GLCE: variants seen among roughly 807,000 people sequenced by gnomAD.
GLCE encodes D-glucuronyl C5-epimerase.
GLCE carries 19 observed loss-of-function variants against 47.9 expected under a neutral mutation model. That is an observed-to-expected ratio of 0.40 (90% CI 0.28 to 0.58). GLCE has a LOEUF of 0.58. Ranked by LOEUF, GLCE falls within the 20% of genes least tolerant of loss-of-function variation. The probability of loss-of-function intolerance (pLI) is 0.48; values close to 1 mark genes in which losing one functional copy is unlikely to be tolerated. For missense variants in GLCE, 556 were observed against 743.3 expected (o/e 0.75, Z 2.93); for synonymous variants, 245 against 263.4 (o/e 0.93, Z 0.68).
intron 4 of GLCE, among the ~76,000 whole-genome samples, chr15:69,264,362 ATGTG>A (rs935479535): frequency 6.6e-6 from 1 of 151,894 alleles, no homozygotes; most frequent in South Asian, 2.1e-4. Context: ...TTCTATAGGT[ATGTG>A]TGTGTGTATA....
At chr15:69,258,911 T>C (rs557233862) in intron 3 of GLCE, among the ~76,000 whole-genome samples, 1 of 152,346 alleles carries the variant, frequency 6.6e-6, no homozygotes, top group Non-Finnish European at 1.5e-5. Flanking sequence ...TTTATTCTCA[T>C]TGTAGTGTAT....
chr15:69,266,174 C>G (rs984317363), intron 4 of GLCE, among the ~76,000 whole-genome samples: 3 of 152,184 alleles, frequency 2.0e-5, no homozygotes, highest in African/African-American at 7.2e-5. Context: ...CTTGATACAA[C>G]TTTCAGAATT....
At position 69,200,089 on chromosome 15, in the gene GLCE, T is replaced by C. The variant is rs531500062; in HGVS notation, c.-104-10227T>C. Among the ~76,000 whole-genome samples the C allele has an allele frequency of 5.3e-5, 8 of 152,274 alleles. No homozygotes were observed. In the East Asian group the frequency reaches 1.5e-3, roughly 29 times the overall value. ...TTCACTAGTATTTTGTGAGATAGCCTGTGACAAAATTTTTCCTAATCATGA... is the reference window on the plus strand; with the variant it reads ...TTCACTAGTATTTTGTGAGATAGCCCGTGACAAAATTTTTCCTAATCATGA... On this transcript the variant is annotated intron_variant, in intron 1 of 4. Coordinates refer to ENST00000261858, the MANE Select transcript of GLCE (RefSeq NM_015554.3).
intron 1 of GLCE, among the ~76,000 whole-genome samples, chr15:69,177,084 A>G (rs2051678466): frequency 6.6e-6 from 1 of 151,614 alleles, no homozygotes; most frequent in Admixed American, 6.6e-5. Context: ...CAATGGTGCA[A>G]TCTCGGCTCT....
intron 1 of GLCE, among the ~76,000 whole-genome samples, chr15:69,192,978 C>T (rs995355331): frequency 2.6e-5 from 4 of 152,076 alleles, no homozygotes; most frequent in Non-Finnish European, 4.4e-5. Context: ...GGGGTTCACC[C>T]TCCACATGTA....
At chr15:69,219,249 A>G (rs569893264) in intron 2 of GLCE, among the ~76,000 whole-genome samples, 5 of 152,242 alleles carry the variant, frequency 3.3e-5, no homozygotes, top group Non-Finnish European at 5.9e-5. Context: ...TCCCAAATCA[A>G]TAAAATACAT....
At chr15:69,238,119 A>G (rs1503287) in intron 2 of GLCE, among the ~76,000 whole-genome samples, 104,057 of 152,156 alleles carry the variant, frequency 0.68, 36,945 homozygotes, top group Non-Finnish European at 0.77. Context: ...ATGGCTTTCA[A>G]TGCTAGAGAA....
At chr15:69,232,199 C>G (rs1178671154) in intron 2 of GLCE, among the ~76,000 whole-genome samples, 1 of 152,190 alleles carries the variant, frequency 6.6e-6, no homozygotes, top group Non-Finnish European at 1.5e-5. Flanking sequence ...TGAGAATGGA[C>G]AACTTCCTGT....
intron 1 of GLCE, among the ~76,000 whole-genome samples, chr15:69,179,699 A>G (rs1159401068): frequency 1.3e-5 from 2 of 152,154 alleles, no homozygotes. Context: ...AGAACAACAC[A>G]AGTGGCTGTG....
intron 1 of GLCE, among the ~76,000 whole-genome samples, chr15:69,167,109 G>A (rs1175802638): frequency 2.0e-5 from 3 of 152,082 alleles, no homozygotes; most frequent in Admixed American, 1.3e-4. Flanking sequence ...CCAGGTACTC[G>A]GGAGGCTGAG....
chr15:69,173,040 G>T (rs947057743), intron 1 of GLCE, among the ~76,000 whole-genome samples: 1 of 152,196 alleles, frequency 6.6e-6, no homozygotes, highest in Admixed American at 6.5e-5. Flanking sequence ...TTAAGCAGAG[G>T]TGTGTGCCTG....
intron 1 of GLCE, among the ~76,000 whole-genome samples, chr15:69,192,051 G>A (rs1376250061): frequency 6.6e-6 from 1 of 152,112 alleles, no homozygotes; most frequent in African/African-American, 2.4e-5. Flanking sequence ...ATGTGTGTTT[G>A]TGTTTATCCT....
chr15:69,269,205 G>A lies in GLCE; in HGVS notation c.1815G>A (p.Trp605Ter). 1 of 1,614,076 alleles carries A rather than the reference G, an allele frequency of 6.2e-7. No individual in the cohort carries two copies. Among genetic ancestry groups the A allele is most frequent in the Non-Finnish European group, 8.5e-7 (1 of 1,179,952 alleles). The change falls in exon 5 of 5, where the codon TGG (tryptophan) becomes TGA (stop). Residue 605 changes from tryptophan to a stop codon, truncating the protein, a stop_gained. Transcript: ENST00000261858. LOFTEE classifies it high-confidence loss of function. ...TCTTCAAAGAATTTGTCAAGAGGTGGAAAAGCTACCTTAAAGGCAGCAGGG... is the reference window on the plus strand; with the variant it reads ...TCTTCAAAGAATTTGTCAAGAGGTGAAAAAGCTACCTTAAAGGCAGCAGGG... ...SPVFKEFVKR[W>*]KSYLKGSRAK...
intron 2 of GLCE, among the ~76,000 whole-genome samples, chr15:69,241,593 A>C (rs2052672336): frequency 6.6e-6 from 1 of 152,202 alleles, no homozygotes; most frequent in African/African-American, 2.4e-5. Context: ...GATAGTTCTG[A>C]GTTTGGGCAG....
chr15:69,183,626 A>G (rs957453662), intron 1 of GLCE, among the ~76,000 whole-genome samples: 1 of 152,226 alleles, frequency 6.6e-6, no homozygotes, highest in Non-Finnish European at 1.5e-5. Flanking sequence ...CCTGTCAAAC[A>G]ATTGTGTATC....
intron 3 of GLCE, among the ~76,000 whole-genome samples, chr15:69,257,540 T>A (rs1239336410): frequency 6.6e-6 from 1 of 152,092 alleles, no homozygotes; most frequent in Non-Finnish European, 1.5e-5. Context: ...AAACAGTGTC[T>A]CACTGTGTTG....
intron 1 of GLCE, among the ~76,000 whole-genome samples, chr15:69,195,867 C>T (rs1425455520): frequency 1.3e-5 from 2 of 152,092 alleles, no homozygotes; most frequent in African/African-American, 4.8e-5. Flanking sequence ...AATACCATTC[C>T]TACTATTGCC....
rs57376738 is a variant in GLCE at position 69,204,277 on chromosome 15, CTTTTTTTTTT to C, written c.-104-6025_-104-6016del. 8.8e-4 allele frequency among the ~76,000 whole-genome samples: 78 copies of C among 88,360 alleles called. No homozygotes were observed. The South Asian group carries it at 0.017, about 19-fold the overall frequency. 58.0% of individuals were successfully genotyped at this position (88,360 alleles called of 152,430 possible). A position where few individuals can be genotyped will look rare whatever the true frequency, so the allele number is the denominator to read the frequency against. On this transcript the variant is annotated intron_variant, in intron 1 of 4. Transcript: ENST00000261858. ...AAGTTAGAAACAAATGATTGTTTTACTTTTTTTTTTTTTTTTTTTTTTTGAGATGGAATCT... is the reference window on the plus strand; with the variant it reads ...AAGTTAGAAACAAATGATTGTTTTACTTTTTTTTTTTTTGAGATGGAATCT...
intron 2 of GLCE, among the ~76,000 whole-genome samples, chr15:69,220,309 G>A (rs921225338): frequency 6.6e-6 from 1 of 152,060 alleles, no homozygotes. Context: ...TTTTTCCAGA[G>A]TGGCTGTACC....
Sources: gnomAD v4.1 joint callset for allele counts (sites outside exome capture counted in the v4.1 genomes callset) on GRCh38, gnomAD v4.1.1 for gene constraint, MANE v1.5 for transcripts, NCBI Gene and HGNC (gene_info 2026-07-23, HGNC 2026-07-21) for gene names.